Variants in TPST2 observed in about 807,000 individuals in gnomAD.
The protein encoded by TPST2 is tyrosylprotein sulfotransferase 2.
Under a neutral mutation model 27.8 loss-of-function variants are expected in TPST2, and 16 were observed. The ratio of observed to expected loss-of-function variants is 0.58; its 90% CI spans 0.39 to 0.88. The LOEUF (loss-of-function observed/expected upper bound fraction) is 0.88, where lower values mean the gene tolerates loss of function less well. TPST2 is among the 40% of genes least tolerant of loss of function. TPST2 has a pLI of 0.00. For missense variants in TPST2, 464 were observed against 543.1 expected (o/e 0.85, Z 1.45); for synonymous variants, 229 against 231.7 (o/e 0.99, Z 0.10).
chr22:26,547,663 G>A (rs1163018434), intron 1 of TPST2: 1 of 152,158 alleles, frequency 6.6e-6, no homozygotes, highest in Non-Finnish European at 1.5e-5. Context: ...ACTGCTACCA[G>A]TTAACCAAGC....
chr22:26,533,318 G>A (rs562877776), intron 4 of TPST2, among the ~76,000 whole-genome samples: 7 of 152,286 alleles, frequency 4.6e-5, no homozygotes, highest in African/African-American at 1.7e-4. Context: ...AGCTACTCCA[G>A]CCTCAGCTGG....
chr22:26,573,749 A>G (rs1421400190), intron 1 of TPST2, among the ~76,000 whole-genome samples: 1 of 152,094 alleles, frequency 6.6e-6, no homozygotes, highest in African/African-American at 2.4e-5. Flanking sequence ...TTTTGGGCAT[A>G]TTATTAGGGG....
intron 1 of TPST2, among the ~76,000 whole-genome samples, chr22:26,564,082 T>C (rs1170432049): frequency 6.6e-6 from 1 of 152,154 alleles, no homozygotes; most frequent in African/African-American, 2.4e-5. Flanking sequence ...TTGCCGTTTT[T>C]GCCAAGCTGA....
intron 1 of TPST2, among the ~76,000 whole-genome samples, chr22:26,580,461 C>T (rs1460420574): frequency 7.9e-5 from 12 of 152,144 alleles, no homozygotes; most frequent in Non-Finnish European, 1.5e-4. Context: ...TGGCCCAGCC[C>T]CCTCCAGCCC....
intron 4 of TPST2, among the ~76,000 whole-genome samples, chr22:26,533,727 T>C (rs1030202710): frequency 6.6e-6 from 1 of 151,990 alleles, no homozygotes; most frequent in African/African-American, 2.4e-5. Flanking sequence ...CAAGCTGGAG[T>C]GCAGTGGTGC....
chr22:26,589,214 C>T (rs1465932375), intron 1 of TPST2, among the ~76,000 whole-genome samples: 1 of 152,070 alleles, frequency 6.6e-6, no homozygotes, highest in Non-Finnish European at 1.5e-5. Context: ...GGGAAGGGGG[C>T]AAGAGGTTAG....
At chr22:26,546,995 C>T (rs758233165) in intron 1 of TPST2, among the ~76,000 whole-genome samples, 1 of 152,226 alleles carries the variant, frequency 6.6e-6, no homozygotes, top group Non-Finnish European at 1.5e-5. Flanking sequence ...GACCTCTGCA[C>T]TAGAACATTC....
intron 1 of TPST2, among the ~76,000 whole-genome samples, chr22:26,569,284 G>A (rs1450276843): frequency 1.3e-5 from 2 of 152,176 alleles, no homozygotes; most frequent in Admixed American, 6.5e-5. Context: ...TCTAGGGGGA[G>A]ATGTCAGGAT....
At chr22:26,532,175 C>T (rs1314901842) in intron 5 of TPST2, among the ~76,000 whole-genome samples, 6 of 152,190 alleles carry the variant, frequency 3.9e-5, no homozygotes, top group African/African-American at 7.2e-5. Flanking sequence ...AGCCGGAAGA[C>T]GAAGTGAGAG....
chr22:26,584,724 C>T (rs887593842), intron 1 of TPST2, among the ~76,000 whole-genome samples: 4 of 152,270 alleles, frequency 2.6e-5, no homozygotes, highest in African/African-American at 9.6e-5. Context: ...GATCCAAATC[C>T]TATGTCTCCC....
intron 1 of TPST2, among the ~76,000 whole-genome samples, chr22:26,575,264 T>C (rs1014403512): frequency 2.0e-5 from 3 of 152,100 alleles, no homozygotes; most frequent in African/African-American, 4.8e-5. Flanking sequence ...TCCATAAACA[T>C]TGGCTGTGAA....
chr22:26,536,279 C>G lies in TPST2; in HGVS notation c.1041+9G>C. On this transcript the variant is annotated intron_variant, in intron 4 of 6. Transcript: ENST00000338754. ...GAGTACACTTCCACAAGTACAGGTGCACACTCACCCGCTGTGTGTTGTTGA... is the reference window on the plus strand; with the variant it reads ...GAGTACACTTCCACAAGTACAGGTGGACACTCACCCGCTGTGTGTTGTTGA... The G allele has an allele frequency of 6.2e-7, 1 of 1,614,100 alleles. No individual in the cohort carries two copies. Among genetic ancestry groups the G allele is most frequent in the Non-Finnish European group, 8.5e-7 (1 of 1,179,986 alleles).
chr22:26,572,216 A>G (rs1927656622), intron 1 of TPST2, among the ~76,000 whole-genome samples: 1 of 152,182 alleles, frequency 6.6e-6, no homozygotes, highest in South Asian at 2.1e-4. Context: ...TGTTGGTTCA[A>G]AGATGGACGT....
intron 1 of TPST2, chr22:26,555,106 G>C (rs761361755): frequency 1.9e-6 from 1 of 524,232 alleles, no homozygotes; most frequent in Admixed American, 1.9e-5. Context: ...TTTGGAAGAG[G>C]CAAGGTGGAG....
intron 1 of TPST2, among the ~76,000 whole-genome samples, chr22:26,566,076 C>T (rs1202452312): frequency 5.3e-5 from 8 of 152,320 alleles, no homozygotes; most frequent in African/African-American, 1.4e-4. Flanking sequence ...ATTTCGAGGG[C>T]TCTGCAGCCA....
intron 1 of TPST2, among the ~76,000 whole-genome samples, chr22:26,577,265 T>TAA (rs35985150): frequency 9.3e-4 from 119 of 127,552 alleles, no homozygotes; most frequent in East Asian, 5.4e-3. Context: ...ACCCTGTCTT[T>TAA]AAAAAAAAAA....
At chr22:26,555,287 A>G (rs2147210600) in intron 1 of TPST2, 1 of 523,014 alleles carries the variant, frequency 1.9e-6, no homozygotes, top group South Asian at 1.4e-5. Context: ...AAAGACCGCA[A>G]TTACTTTTGC....
intron 2 of TPST2, among the ~76,000 whole-genome samples, chr22:26,543,509 G>T (rs1395022257): frequency 6.6e-6 from 1 of 152,120 alleles, no homozygotes; most frequent in East Asian, 1.9e-4. Flanking sequence ...GTTTCACCAT[G>T]TTAGCCAGGC....
In TPST2 at chr22:26,558,120, TACACACACACACACACACAC is replaced by T. The variant is rs71192941; in HGVS notation, c.-160-13465_-160-13446del. Among the ~76,000 whole-genome samples, 463 of 141,382 alleles carry T rather than the reference TACACACACACACACACACAC, an allele frequency of 3.3e-3. 4 individuals carry two copies. The highest frequency in any genetic ancestry group is 5.0e-3 in the African/African-American group (190 of 37,834). 92.8% of individuals were successfully genotyped at this position (141,382 alleles called of 152,430 possible). A position where few individuals can be genotyped will look rare whatever the true frequency, so the allele number is the denominator to read the frequency against. On this transcript the variant is annotated intron_variant, in intron 1 of 6. Coordinates refer to ENST00000338754, the MANE Select transcript of TPST2 (RefSeq NM_003595.5). ...AATTATTATATAAAAATATATATAATACACACACACACACACACACACACACACACACACACACACACACA... is the reference window on the plus strand; with the variant it reads ...AATTATTATATAAAAATATATATAATACACACACACACACACACACACACA...
Sources: allele counts gnomAD v4.1 joint callset (sites outside exome capture counted in the v4.1 genomes callset), GRCh38; gene constraint gnomAD v4.1.1; transcripts MANE v1.5; gene names NCBI Gene and HGNC (gene_info 2026-07-23, HGNC 2026-07-21).